PPM1K: variants seen among roughly 807,000 people sequenced by gnomAD.
PPM1K encodes protein phosphatase, Mg2+/Mn2+ dependent 1K.
A neutral mutation model predicts 32.6 loss-of-function variants in PPM1K; 19 were observed. The ratio of observed to expected loss-of-function variants is 0.58; its 90% CI spans 0.41 to 0.86. The LOEUF (loss-of-function observed/expected upper bound fraction) is 0.86, where lower values mean the gene tolerates loss of function less well. PPM1K is among the 40% of genes least tolerant of loss of function. The pLI is 0.00. For synonymous variants in PPM1K, 159 were observed against 165.3 expected (o/e 0.96, Z 0.29); for missense variants, 362 against 461.2 (o/e 0.78, Z 1.97).
intron 3 of PPM1K, among the ~76,000 whole-genome samples, chr4:88,274,145 C>T (rs1423802657): frequency 6.6e-6 from 1 of 152,188 alleles, no homozygotes; most frequent in African/African-American, 2.4e-5. Context: ...TCAAGTATTA[C>T]GCCAGACGAG....
chr4:88,266,825 T>C (rs984015184), intron 5 of PPM1K, among the ~76,000 whole-genome samples: 3 of 149,100 alleles, frequency 2.0e-5, no homozygotes, highest in African/African-American at 7.5e-5. Flanking sequence ...GCTAGATGAC[T>C]GGGTGCAGGC....
intron 1 of PPM1K, chr4:88,279,233 C>G (rs1406879401): frequency 6.6e-6 from 1 of 152,230 alleles, no homozygotes; most frequent in Non-Finnish European, 1.5e-5. Flanking sequence ...TAAAATAGTT[C>G]TGTTTCCAAA....
At chr4:88,263,229 T>G (rs946470056) in intron 6 of PPM1K, among the ~76,000 whole-genome samples, 1 of 152,012 alleles carries the variant, frequency 6.6e-6, no homozygotes, top group African/African-American at 2.4e-5. Flanking sequence ...CCTATGCAAA[T>G]AGCTAACTCC....
At chr4:88,279,179 C>G (rs1450949219) in intron 1 of PPM1K, 1 of 152,246 alleles carries the variant, frequency 6.6e-6, no homozygotes, top group African/African-American at 2.4e-5. Flanking sequence ...TTAACAATAG[C>G]AACAAAGTCT....
intron 3 of PPM1K, among the ~76,000 whole-genome samples, chr4:88,274,561 G>A (rs1553905686): frequency 6.6e-6 from 1 of 152,172 alleles, no homozygotes; most frequent in Non-Finnish European, 1.5e-5. Context: ...AGAAACTGGA[G>A]AGGGTAAACT....
intron 3 of PPM1K, among the ~76,000 whole-genome samples, chr4:88,273,875 A>T (rs184627329): frequency 6.6e-6 from 1 of 152,248 alleles, no homozygotes; most frequent in Non-Finnish European, 1.5e-5. Context: ...TTGCACACCT[A>T]GGCCTAATCA....
At chr4:88,273,892 C>T (rs1434610427) in intron 3 of PPM1K, among the ~76,000 whole-genome samples, 1 of 152,146 alleles carries the variant, frequency 6.6e-6, no homozygotes, top group African/African-American at 2.4e-5. Flanking sequence ...ATCAGTTTTT[C>T]GTGTGCTATG....
intron 4 of PPM1K, 151 bp from the exon 5 acceptor site, chr4:88,268,485 T>G (rs555531722): frequency 1.4e-4 from 125 of 908,116 alleles, no homozygotes; most frequent in East Asian, 6.6e-4. Context: ...GCCGAGCGTG[T>G]TGGCAGGCGC....
rs567937280 is a variant in PPM1K at position 88,273,252 on chromosome 4, G to T, written c.541+3891C>A. ...TGAGGGTAAAGGAGTCCGTGGCAAG[G>T]CTTCCCTTTTAACAAAAAGCAGCCT... is the stretch of plus-strand genomic sequence containing the variant. On this transcript the variant is annotated intron_variant, in intron 3 of 6. Coordinates refer to ENST00000608933, the MANE Select transcript of PPM1K (RefSeq NM_152542.5). Among the ~76,000 whole-genome samples, 11 of 152,296 alleles carry T rather than the reference G, an allele frequency of 7.2e-5. No homozygotes were observed. In the East Asian group the frequency reaches 2.1e-3, roughly 29 times the overall value.
At chr4:88,272,372 C>T (rs1283006122) in intron 3 of PPM1K, among the ~76,000 whole-genome samples, 1 of 152,142 alleles carries the variant, frequency 6.6e-6, no homozygotes, top group Non-Finnish European at 1.5e-5. Context: ...TCTGGTGAGA[C>T]TCATAATGCC....
chr4:88,262,153 G>A lies in PPM1K; in HGVS notation c.*442C>T, dbSNP rs1731143908. 6.5e-6 allele frequency: 1 copy of A among 152,842 alleles called. No individual in the cohort carries two copies. Among genetic ancestry groups the A allele is most frequent in the African/African-American group, 2.4e-5 (1 of 41,400 alleles). 9.5% of individuals were successfully genotyped at this position (152,842 alleles called of 1,614,324 possible). ...ATAAAAACTCGCATTTTAGGATTAG[G>A]GAAGTCTGGAAAAAAATTTTTTTAA... On this transcript the variant is annotated 3_prime_UTR_variant, in exon 7 of 7. Transcript: ENST00000608933.
rs1272735847 is a variant in PPM1K, at chr4:88,268,839, T to C, written c.609A>G (p.Val203=). Residue 203 remains valine (V), a synonymous_variant, in exon 4 of 7, where the codon GTA becomes GTG. Transcript: ENST00000608933. ...TAGCCCGGCTGTCCCCAACACTGGCTACAACCAGTTCAATACCATCTCGCA... is the reference window on the plus strand; with the variant it reads ...TAGCCCGGCTGTCCCCAACACTGGCCACAACCAGTTCAATACCATCTCGCA... ...ALLRDGIELV[V]ASVGDSRAIL... is the part of the protein sequence containing the mutation. 3.7e-6 allele frequency: 6 copies of C among 1,613,904 alleles called. No homozygotes were observed. The highest frequency in any genetic ancestry group is 5.1e-6 in the Non-Finnish European group (6 of 1,179,940).
intron 1 of PPM1K, among the ~76,000 whole-genome samples, chr4:88,280,409 C>T (rs1281909461): frequency 1.3e-5 from 2 of 152,178 alleles, no homozygotes; most frequent in East Asian, 1.9e-4. Context: ...TTCATTTCTT[C>T]GTAAGACAAC....
intron 1 of PPM1K, chr4:88,279,389 A>G (rs1731919562): frequency 6.6e-6 from 1 of 152,222 alleles, no homozygotes; most frequent in East Asian, 1.9e-4. Flanking sequence ...AAGATAAGCC[A>G]GTTTTGATGC....
At chr4:88,277,452 C>A in intron 2 of PPM1K, 1 of 492,596 alleles carries the variant, frequency 2.0e-6, no homozygotes, top group Non-Finnish European at 3.6e-6. Flanking sequence ...CAATGAAAGT[C>A]CAAGTCCTTG....
Position 88,262,597 on chromosome 4 carries a change from A to C in PPM1K, c.1117T>G (p.Ter373GlyextTer6). Residue 373 changes from the stop codon to glycine, a stop_lost, in exon 7 of 7, where the codon TGA becomes GGA. Transcript: ENST00000608933. ...RSFASSGRWA[*>G] ...AAACTCTAAGTCCCAGCTGGTAATC[A>C]GGCCCATCGTCCACTGGAGGCAAAG... is the stretch of plus-strand genomic sequence containing the variant. 1 of 1,613,318 alleles carries C rather than the reference A, an allele frequency of 6.2e-7. No homozygotes were observed. Among genetic ancestry groups the C allele is most frequent in the Non-Finnish European group, 8.5e-7 (1 of 1,179,702 alleles).
chr4:88,269,902 C>T (rs1206975546), intron 3 of PPM1K, among the ~76,000 whole-genome samples: 1 of 152,186 alleles, frequency 6.6e-6, no homozygotes, highest in Non-Finnish European at 1.5e-5. Flanking sequence ...TTCTTTACCA[C>T]TTGTTAAAAA....
In PPM1K at chr4:88,278,350, T is replaced by C; in HGVS notation, c.234A>G (p.Pro78=). 1.2e-6 allele frequency: 2 copies of C among 1,614,094 alleles called. No homozygotes were observed. Among genetic ancestry groups the C allele is most frequent in the African/African-American group, 1.3e-5 (1 of 75,020 alleles). The change falls in exon 2 of 7, where the codon CCA becomes CCG. Residue 78 remains proline (P), a synonymous_variant. Transcript: ENST00000608933. This position sits in a 1 kb window ranked among gnomAD's most constrained non-coding sequence, Gnocchi z 4.2. ...TTGGCTTGCCATACTTAATGCTGGG[T>C]GGCAGCAGAATTGGCTCATCAATGC... is the stretch of plus-strand genomic sequence containing the variant. ...DNRIDEPILL[P]PSIKYGKPIP...
At chr4:88,265,691 C>T (rs1350850788) in intron 5 of PPM1K, among the ~76,000 whole-genome samples, 1 of 152,164 alleles carries the variant, frequency 6.6e-6, no homozygotes, top group Non-Finnish European at 1.5e-5. Context: ...AAGGATAAAG[C>T]TAATATTTAG....
Sources: allele counts gnomAD v4.1 joint callset (sites outside exome capture counted in the v4.1 genomes callset), GRCh38; gene constraint gnomAD v4.1.1; non-coding constraint Gnocchi (gnomAD v3.1); transcripts MANE v1.5; gene names NCBI Gene and HGNC (gene_info 2026-07-23, HGNC 2026-07-21).